FCRL3: variants seen among roughly 807,000 people sequenced by gnomAD.
The protein encoded by FCRL3 is Fc receptor like 3, also known as Fc receptor-like protein 3.
Under a neutral mutation model 75.0 loss-of-function variants are expected in FCRL3, and 89 were observed. That is an observed-to-expected ratio of 1.19 (90% CI 1.00 to 1.42). The LOEUF is 1.42. Among genes scored for constraint, FCRL3 ranks in the 40% most tolerant of loss-of-function variants. FCRL3 has a pLI of 0.00. For missense variants in FCRL3, 946 were observed against 880.0 expected, an observed-to-expected ratio of 1.07 and a Z score of -0.95; for synonymous variants, 376 against 348.5, an observed-to-expected ratio of 1.08 and a Z score of -0.88.
chr1:157,699,657 A>G (rs758020744), intron 3 of FCRL3, 35 bp downstream of exon 3: 4 of 1,612,604 alleles, frequency 2.5e-6, no homozygotes, highest in Non-Finnish European at 2.5e-6. Flanking sequence ...ACCAATATCC[A>G]GAGACCAGAG....
rs2101577956 is a variant in FCRL3 at position 157,677,229 on chromosome 1, A to G, written c.*1481T>C. On this transcript the variant is annotated 3_prime_UTR_variant, in exon 15 of 15. Coordinates refer to ENST00000368184, the MANE Select transcript of FCRL3 (RefSeq NM_052939.4). ...ACAAAAGTGCCTTCTGGTGAAACTC[A>G]GCTTCCATAGTGATGGAACCTAAGG... 2.0e-6 allele frequency: 2 copies of G among 1,005,042 alleles called. No homozygotes were observed. Among genetic ancestry groups the G allele is most frequent in the Non-Finnish European group, 2.4e-6 (2 of 840,766 alleles). The allele number at this position is 1,005,042 out of a possible 1,614,324, so 62.3% of individuals were successfully genotyped here.
At chr1:157,690,155 G>A (rs949363320) in intron 9 of FCRL3, 100 bp downstream of exon 9, 1 of 1,496,180 alleles carries the variant, frequency 6.7e-7, no homozygotes, top group Non-Finnish European at 9.0e-7. Context: ...TCGTGTGCAT[G>A]TTCAAAACCT....
intron 11 of FCRL3, among the ~76,000 whole-genome samples, chr1:157,682,022 T>G (rs555044610): frequency 1.4e-3 from 214 of 152,084 alleles, no homozygotes; most frequent in African/African-American, 5.0e-3. Context: ...CATGTGTTTT[T>G]TGGCTGCATA....
chr1:157,683,845 C>A (rs1655001007), intron 10 of FCRL3, among the ~76,000 whole-genome samples: 1 of 152,242 alleles, frequency 6.6e-6, no homozygotes, highest in South Asian at 2.1e-4. Context: ...CAGAGCTGTC[C>A]CTGATGCCAA....
At position 157,700,518 on chromosome 1, in the gene FCRL3, A is replaced by C; in HGVS notation, c.-29T>G. On this transcript the variant is annotated 5_prime_UTR_variant, in exon 2 of 15. Coordinates refer to ENST00000368184, the MANE Select transcript of FCRL3 (RefSeq NM_052939.4). ...CACCGGCCGGGCAGAGGGTTGGGAA[A>C]GTCTGTCTCACCAAAAGCCCGACTT... is the stretch of plus-strand genomic sequence containing the variant. The C allele has an allele frequency of 1.2e-6, 2 of 1,614,000 alleles. No individual in the cohort carries two copies. Among genetic ancestry groups the C allele is most frequent in the Middle Eastern group, 1.6e-4 (1 of 6,062 alleles).
In FCRL3 at chr1:157,677,578, G is replaced by A. The variant is rs944626; in HGVS notation, c.*1132C>T. ...TGTCATATTAAAAATTCAACACACT[G>A]TGGAAAGAGTTTTTGATGGTGATAG... is the stretch of plus-strand genomic sequence containing the variant. On this transcript the variant is annotated 3_prime_UTR_variant, in exon 15 of 15. Coordinates refer to ENST00000368184, the MANE Select transcript of FCRL3 (RefSeq NM_052939.4). The A allele has an allele frequency of 4.1e-6, 4 of 985,330 alleles. No homozygotes were observed. Among genetic ancestry groups the A allele is most frequent in the Non-Finnish European group, 4.8e-6 (4 of 829,906 alleles). The allele number at this position is 985,330 out of a possible 1,614,324, so 61.0% of individuals were successfully genotyped here.
At chr1:157,688,185 C>T (rs889183423) in intron 10 of FCRL3, among the ~76,000 whole-genome samples, 2 of 151,984 alleles carry the variant, frequency 1.3e-5, no homozygotes, top group East Asian at 1.9e-4. Context: ...GAATTAGCTG[C>T]ATGCTATCTA....
rs746985275 is a variant in FCRL3 at position 157,690,256 on chromosome 1, T to A, written c.1689A>T (p.Thr563=). 4 of 1,614,146 alleles carry A rather than the reference T, an allele frequency of 2.5e-6. No homozygotes were observed. ...CTAGCCCAGGTACTATTAACACACC[T>A]GTAACATTGAGTGTCACCACTTTAC... is the stretch of plus-strand genomic sequence containing the variant. ...QHSKVVTLNV[T]GTSRNRTGLT... The change falls in exon 9 of 15, where the codon ACA becomes ACT. Residue 563 remains threonine, a splice_region_variant and synonymous_variant. Transcript: ENST00000368184.
rs1308392696 is a variant in FCRL3, at chr1:157,696,158, G to A, written c.1014C>T (p.Ser338=). The A allele has an allele frequency of 3.7e-6, 6 of 1,613,912 alleles. No homozygotes were observed. Among genetic ancestry groups the A allele is most frequent in the South Asian group, 3.3e-5 (3 of 91,070 alleles). The change falls in exon 7 of 15, where the codon TCC becomes TCT. Residue 338 remains serine (S), a synonymous_variant. Transcript: ENST00000368184. ...TGAGAACATGCAGCTCTGCCAACAG[G>A]GAACGCTGGGTCTTTCTACCCAGGC... ...VRSLGRKTQR[S]LLAELHVLTV...
At chr1:157,699,810 G>T in intron 2 of FCRL3, 98 bp from the exon 3 acceptor site, 1 of 1,364,336 alleles carries the variant, frequency 7.3e-7, no homozygotes, top group Non-Finnish European at 1.0e-6. Flanking sequence ...TCATTTCTTT[G>T]CTCCCTTTTT....
rs372612133 is a variant in FCRL3 at position 157,694,512 on chromosome 1, T to A, written c.1411+817A>T. On this transcript the variant is annotated intron_variant, in intron 8 of 14. Coordinates refer to ENST00000368184, the MANE Select transcript of FCRL3 (RefSeq NM_052939.4). ...CAGAGAATGTATGGGTTTGTGTGAC[T>A]GGGAATTATTACCATATCTCTCTTA... Among the ~76,000 whole-genome samples, 83 of 152,310 alleles carry A rather than the reference T, an allele frequency of 5.4e-4. 1 individual carries two copies. Among genetic ancestry groups the A allele is most frequent in the African/African-American group, 1.9e-3 (79 of 41,570 alleles).
At position 157,676,818 on chromosome 1, in the gene FCRL3, G is replaced by T. The variant is rs1339175161; in HGVS notation, c.*1892C>A. 5.2e-6 allele frequency: 8 copies of T among 1,548,356 alleles called. No individual in the cohort carries two copies. Among genetic ancestry groups the T allele is most frequent in the Non-Finnish European group, 6.1e-6 (7 of 1,146,112 alleles). On this transcript the variant is annotated 3_prime_UTR_variant, in exon 15 of 15. Coordinates refer to ENST00000368184, the MANE Select transcript of FCRL3 (RefSeq NM_052939.4). ...AGAGATGACAGGTCCCTTAGAGAAA[G>T]TTCACTATAAGGCACAAAGGGGCTT...
At chr1:157,693,190 G>A (rs181686226) in intron 8 of FCRL3, among the ~76,000 whole-genome samples, 10 of 148,494 alleles carry the variant, frequency 6.7e-5, no homozygotes, top group African/African-American at 1.5e-4. Context: ...CAGAAGAATC[G>A]CTTGAACCTG....
chr1:157,697,105 T>A, intron 6 of FCRL3, 35 bp downstream of exon 6: 1 of 1,403,436 alleles, frequency 7.1e-7, no homozygotes, highest in South Asian at 2.0e-5. Flanking sequence ...TCTCCCCAGC[T>A]CTGACTCTGG....
chr1:157,698,862 T>C (rs1656135520), intron 3 of FCRL3, among the ~76,000 whole-genome samples: 1 of 152,216 alleles, frequency 6.6e-6, no homozygotes, highest in Non-Finnish European at 1.5e-5. Flanking sequence ...CTCAGTTTCC[T>C]GGCATAGCCT....
At position 157,678,838 on chromosome 1, in the gene FCRL3, A is replaced by G; in HGVS notation, c.2077T>C (p.Ser693Pro). Residue 693 changes from serine (S) to proline (P), a missense_variant, in exon 15 of 15, where the codon TCA becomes CCA. Transcript: ENST00000368184. ...TCTGGGTGTGTCTTCTTCAGTTCTG[A>G]ATAGAGGACTGTAAGTTCCTGGTAG... ...QEHEELTVLYSELKKTHPDDS... is the reference protein window; with the variant it reads ...QEHEELTVLYPELKKTHPDDS... 6.2e-7 allele frequency: 1 copy of G among 1,613,922 alleles called. No individual in the cohort carries two copies. Among genetic ancestry groups the G allele is most frequent in the African/African-American group, 1.3e-5 (1 of 74,962 alleles).
At chr1:157,682,916 T>C (rs551761733) in intron 11 of FCRL3, among the ~76,000 whole-genome samples, 8 of 152,324 alleles carry the variant, frequency 5.3e-5, no homozygotes, top group Admixed American at 3.9e-4. Context: ...GAATGCACTG[T>C]AGCCCTATGA....
chr1:157,697,721 T>C lies in FCRL3; in HGVS notation c.497A>G (p.Tyr166Cys), dbSNP rs753406292. 3 of 1,613,958 alleles carry C rather than the reference T, an allele frequency of 1.9e-6. No individual in the cohort carries two copies. The highest frequency in any genetic ancestry group is 1.1e-5 in the South Asian group (1 of 91,072). Reference protein sequence around the residue: ...RDNSKYHCTAYRKFYILDIEV... With the variant: ...RDNSKYHCTACRKFYILDIEV... ...AATGTCAAGTATGTAAAACTTCCTATAAGCAGTACAATGATATTTGCTATT... is the reference window on the plus strand; with the variant it reads ...AATGTCAAGTATGTAAAACTTCCTACAAGCAGTACAATGATATTTGCTATT... Residue 166 changes from tyrosine to cysteine, a missense_variant, in exon 5 of 15, where the codon TAT (tyrosine) becomes TGT (cysteine). Tyr to Cys is a radical substitution (Grantham distance 194, BLOSUM62 -2). Coordinates refer to ENST00000368184, the MANE Select transcript of FCRL3 (RefSeq NM_052939.4).
rs773595232 is a variant in FCRL3, at chr1:157,698,461, A to G, written c.221T>C (p.Ile74Thr). Residue 74 changes from isoleucine (I) to threonine (T), a missense_variant, in exon 4 of 15, where the codon ATT becomes ACT. Coordinates refer to ENST00000368184, the MANE Select transcript of FCRL3 (RefSeq NM_052939.4). ...LLKIKHDKIQ[I>T]TEPGNYQCKT... ...ACATTGGTAATTTCCAGGCTCTGTA[A>G]TTTGGATCTTGTCATGTTTTATTTT... 1.9e-6 allele frequency: 3 copies of G among 1,614,188 alleles called. No homozygotes were observed. The highest frequency in any genetic ancestry group is 3.3e-4 in the Middle Eastern group (2 of 6,062).
Sources: allele counts gnomAD v4.1 joint callset (sites outside exome capture counted in the v4.1 genomes callset), GRCh38; gene constraint gnomAD v4.1.1; transcripts MANE v1.5; gene names NCBI Gene and HGNC (gene_info 2026-07-23, HGNC 2026-07-21).